Variants in ERI1 observed in about 807,000 individuals in gnomAD.
ERI1 encodes exoribonuclease 1.
Under a neutral mutation model 39.7 loss-of-function variants are expected in ERI1, and 39 were observed. The ratio of observed to expected loss-of-function variants is 0.98; its 90% CI spans 0.76 to 1.28. ERI1 has a LOEUF of 1.28. ERI1 is among the 50% of genes most tolerant of loss of function. ERI1 has a pLI of 0.00. For missense variants in ERI1, 581 were observed against 416.9 expected, an observed-to-expected ratio of 1.39 and a Z score of -3.43; for synonymous variants, 204 against 149.6, an observed-to-expected ratio of 1.36 and a Z score of -2.65.
chr8:9,067,430 T>G (rs1414118799), intron 3 of ERI1, among the ~76,000 whole-genome samples: 1 of 148,166 alleles, frequency 6.7e-6, no homozygotes, highest in African/African-American at 2.5e-5. Context: ...GCAATATCAA[T>G]AGTAGAAGGG....
intron 3 of ERI1, among the ~76,000 whole-genome samples, chr8:9,066,756 G>A (rs978962571): frequency 8.5e-5 from 13 of 152,136 alleles, no homozygotes; most frequent in African/African-American, 2.4e-4. Flanking sequence ...CCACTGCAGA[G>A]ACTAAAATGT....
chr8:9,067,199 C>T (rs771422107), intron 3 of ERI1, among the ~76,000 whole-genome samples: 41 of 152,044 alleles, frequency 2.7e-4, no homozygotes, highest in Non-Finnish European at 5.6e-4. Flanking sequence ...CTGCAGGGTA[C>T]GTCATTCATA....
chr8:9,037,807 G>T (rs775104092), downstream of ERI1, among the ~76,000 whole-genome samples: 5 of 150,306 alleles, frequency 3.3e-5, no homozygotes, highest in Non-Finnish European at 5.9e-5. Flanking sequence ...CCCTGTCTAT[G>T]CTTGACTTTC....
intron 3 of ERI1, among the ~76,000 whole-genome samples, chr8:9,067,541 G>C (rs1798918868): frequency 6.6e-6 from 1 of 151,680 alleles, no homozygotes; most frequent in Non-Finnish European, 1.5e-5. Flanking sequence ...TATTGTCCTA[G>C]CTACTTAGGA....
intron 3 of ERI1, among the ~76,000 whole-genome samples, chr8:9,091,906 G>A (rs1024817318): frequency 6.6e-6 from 1 of 150,800 alleles, no homozygotes; most frequent in East Asian, 1.9e-4. Flanking sequence ...TTGTTAATTT[G>A]TGGATGTTGG....
intron 6 of ERI1, among the ~76,000 whole-genome samples, chr8:9,021,166 C>T (rs1405209481): frequency 6.6e-6 from 1 of 152,122 alleles, no homozygotes; most frequent in Admixed American, 6.5e-5. Context: ...ACAACTTTCC[C>T]CTGGATGTAA....
In ERI1 at chr8:9,030,068, G is replaced by A; in HGVS notation, c.*34G>A. 6.2e-7 allele frequency: 1 copy of A among 1,606,770 alleles called. No individual in the cohort carries two copies. The highest frequency in any genetic ancestry group is 1.1e-5 in the South Asian group (1 of 90,822). Reference sequence around the variant, plus strand: ...TTGTGTGTGGATCATTCCAATTGAAGTTGCTATGAAGAGGTAGCAGATGAA... The same window carrying A: ...TTGTGTGTGGATCATTCCAATTGAAATTGCTATGAAGAGGTAGCAGATGAA... On this transcript the variant is annotated 3_prime_UTR_variant, in exon 7 of 7. Coordinates refer to ENST00000250263, the MANE Select transcript of ERI1 (RefSeq NM_153332.4).
chr8:9,077,020 A>C (rs116940733), intron 3 of ERI1, among the ~76,000 whole-genome samples: 106 of 152,352 alleles, frequency 7.0e-4, no homozygotes, highest in African/African-American at 2.5e-3. Flanking sequence ...CGCTGCCTCC[A>C]TGCTCTTCCC....
intron 3 of ERI1, among the ~76,000 whole-genome samples, chr8:9,046,831 G>T (rs973837955): frequency 5.3e-5 from 8 of 152,128 alleles, no homozygotes; most frequent in African/African-American, 1.7e-4. Flanking sequence ...GGCCCACATC[G>T]GCCTCCCCTT....
chr8:9,045,694 T>C (rs1014290772), intron 3 of ERI1, among the ~76,000 whole-genome samples: 1 of 142,482 alleles, frequency 7.0e-6, no homozygotes, highest in African/African-American at 2.8e-5. Context: ...TTTTTTTTTT[T>C]GAGATGGAGT....
chr8:9,091,513 A>AG (rs1344076593), intron 3 of ERI1: 1 of 152,026 alleles, frequency 6.6e-6, no homozygotes, highest in Admixed American at 6.5e-5. Flanking sequence ...GTCTCAAAAA[A>AG]AAAAAAAGAG....
chr8:9,018,762 G>A (rs1038044548), intron 5 of ERI1, among the ~76,000 whole-genome samples: 1 of 151,316 alleles, frequency 6.6e-6, no homozygotes, highest in East Asian at 1.9e-4. Flanking sequence ...TAATTCACCT[G>A]CCATTAATCC....
At chr8:9,026,632 C>G (rs763262591) in intron 6 of ERI1, among the ~76,000 whole-genome samples, 3 of 152,082 alleles carry the variant, frequency 2.0e-5, no homozygotes, top group Admixed American at 6.6e-5. Flanking sequence ...TCCAAAAATT[C>G]AATATCTGAA....
intron 2 of ERI1, among the ~76,000 whole-genome samples, chr8:9,010,499 A>G (rs1211294859): frequency 6.6e-6 from 1 of 152,250 alleles, no homozygotes; most frequent in African/African-American, 2.4e-5. Flanking sequence ...GTTGATTATT[A>G]CTATTTTCAT....
At chr8:9,004,292 A>G in intron 1 of ERI1, 1 of 1,149,362 alleles carries the variant, frequency 8.7e-7, no homozygotes, top group Non-Finnish European at 1.1e-6. Context: ...TGTCAATCTC[A>G]TCCTGTAAGT....
Position 9,029,821 on chromosome 8 carries a change from A to G in ERI1, c.837A>G (p.Ile279Met). ...KVPRSQTKLT[I>M]MLEKLGMDYD... ...CTAGAAGCCAAACCAAACTGACAAT[A>G]ATGCTTGAAAAATTAGGAATGGATT... The change falls in exon 7 of 7, where the codon ATA becomes ATG. Residue 279 changes from isoleucine (I) to methionine (M), a missense_variant. Ile to Met is a conservative substitution (Grantham distance 10, BLOSUM62 1). Transcript: ENST00000250263. The G allele has an allele frequency of 6.2e-7, 1 of 1,614,194 alleles. No individual in the cohort carries two copies. The highest frequency in any genetic ancestry group is 8.5e-7 in the Non-Finnish European group (1 of 1,180,026).
rs1467895961 is a variant in ERI1, at chr8:9,030,943, C to G, written c.*909C>G. ...TGTTATTAAAAAACTTCATTGGCCA[C>G]TAGTGAAGTTAGTCAATAAAAGACT... On this transcript the variant is annotated 3_prime_UTR_variant, in exon 7 of 7. Coordinates refer to ENST00000250263, the MANE Select transcript of ERI1 (RefSeq NM_153332.4). 1 of 152,100 alleles carries G rather than the reference C, an allele frequency of 6.6e-6. No individual in the cohort carries two copies. Among genetic ancestry groups the G allele is most frequent in the East Asian group, 1.9e-4 (1 of 5,198 alleles). 9.4% of individuals were successfully genotyped at this position (152,100 alleles called of 1,614,324 possible). A position where few individuals can be genotyped will look rare whatever the true frequency, so the allele number is the denominator to read the frequency against.
chr8:9,036,080 AAG>A (rs1797835862), downstream of ERI1, among the ~76,000 whole-genome samples: 1 of 152,236 alleles, frequency 6.6e-6, no homozygotes, highest in Non-Finnish European at 1.5e-5. Flanking sequence ...TAAGCAAAGA[AAG>A]TGATTTCTTG....
chr8:9,091,420 C>G (rs970540766), intron 3 of ERI1: 8 of 151,630 alleles, frequency 5.3e-5, no homozygotes, highest in Non-Finnish European at 1.2e-4. Flanking sequence ...ACTTGGGAGG[C>G]TGAGGCAGGA....
Sources: allele counts gnomAD v4.1 joint callset (sites outside exome capture counted in the v4.1 genomes callset), GRCh38; gene constraint gnomAD v4.1.1; transcripts MANE v1.5; gene names NCBI Gene and HGNC (gene_info 2026-07-23, HGNC 2026-07-21).